The following LRRC1 variants were observed in gnomAD, a reference collection of about 807,000 sequenced individuals.
LRRC1 encodes the protein leucine rich repeat containing 1, also known as leucine-rich repeat-containing protein 1.
A neutral mutation model predicts 69.9 loss-of-function variants in LRRC1; 28 were observed. The observed-to-expected ratio is 0.40, with a 90% confidence interval of 0.30 to 0.55. LRRC1 has a LOEUF of 0.55. LRRC1 is among the 20% of genes least tolerant of loss of function. LRRC1 has a pLI of 0.47. For missense variants in LRRC1, 498 were observed against 609.0 expected (o/e 0.82, Z 1.92); for synonymous variants, 236 against 240.2 (o/e 0.98, Z 0.16).
At chr6:53,911,604 G>A (rs1017700864) in intron 10 of LRRC1, among the ~76,000 whole-genome samples, 4 of 152,166 alleles carry the variant, frequency 2.6e-5, no homozygotes, top group African/African-American at 7.2e-5. Context: ...GGACGCTAGC[G>A]GGGGTCTTCA....
intron 1 of LRRC1, among the ~76,000 whole-genome samples, chr6:53,807,150 A>G (rs1055057259): frequency 1.3e-5 from 2 of 152,186 alleles, no homozygotes; most frequent in Non-Finnish European, 2.9e-5. Flanking sequence ...CAAAGGCTAC[A>G]GCTCTCTAGT....
At chr6:53,802,135 A>G (rs1325044952) in intron 1 of LRRC1, among the ~76,000 whole-genome samples, 5 of 152,368 alleles carry the variant, frequency 3.3e-5, no homozygotes, top group African/African-American at 7.2e-5. Flanking sequence ...GCAGAATGCC[A>G]TGACAGCTAA....
intron 1 of LRRC1, among the ~76,000 whole-genome samples, chr6:53,810,445 C>T (rs957671212): frequency 2.6e-5 from 4 of 152,066 alleles, no homozygotes; most frequent in Non-Finnish European, 5.9e-5. Context: ...ATGGTGAAAC[C>T]GTGTCTCTAC....
chr6:53,795,054 G>C lies in LRRC1; in HGVS notation c.-203G>C. 2 of 419,358 alleles carry C rather than the reference G, an allele frequency of 4.8e-6. No homozygotes were observed. Among genetic ancestry groups the C allele is most frequent in the Non-Finnish European group, 8.4e-6 (2 of 238,332 alleles). 26.0% of individuals were successfully genotyped at this position (419,358 alleles called of 1,614,324 possible). ...GTGGAGGCACCGGCTGGCGGGCGGG[G>C]GTACAGGGACGGGGCAGGGGCTCCC... is the stretch of plus-strand genomic sequence containing the variant. On this transcript the variant is annotated 5_prime_UTR_variant, in exon 1 of 14. Transcript: ENST00000370888.
Position 53,924,052 on chromosome 6 carries a change from C to T in LRRC1, c.*1259C>T, listed in dbSNP as rs1768814136. 1.3e-5 allele frequency: 2 copies of T among 152,616 alleles called. No individual in the cohort carries two copies. Among genetic ancestry groups the T allele is most frequent in the African/African-American group, 4.8e-5 (2 of 41,458 alleles). 9.5% of individuals were successfully genotyped at this position (152,616 alleles called of 1,614,324 possible). On this transcript the variant is annotated 3_prime_UTR_variant, in exon 14 of 14. Transcript: ENST00000370888. ...TAAAAGAGAAATGAAAAGTGCCAGT[C>T]ACTGTGTGGTGTCTAGGAAAATCAT...
intron 1 of LRRC1, among the ~76,000 whole-genome samples, chr6:53,825,208 G>A (rs1400347032): frequency 3.3e-5 from 5 of 152,282 alleles, no homozygotes; most frequent in African/African-American, 1.2e-4. Context: ...TGCTTTTTAG[G>A]TGTACTTCAT....
rs573911217 is a variant in LRRC1, at chr6:53,795,795, C to T, written c.159+380C>T. 6.4e-4 allele frequency among the ~76,000 whole-genome samples: 98 copies of T among 152,346 alleles called. 1 individual carries two copies. Among genetic ancestry groups the T allele is most frequent in the African/African-American group, 2.3e-3 (94 of 41,582 alleles). Reference sequence around the variant, plus strand: ...GCTACAGAGCACTGCATCCTCCCCCCCTCCACTCCCCGGGGTCGTTCCCCC... The same window carrying T: ...GCTACAGAGCACTGCATCCTCCCCCTCTCCACTCCCCGGGGTCGTTCCCCC... On this transcript the variant is annotated intron_variant, in intron 1 of 13. Transcript: ENST00000370888.
chr6:53,904,516 T>C (rs1343768968), intron 10 of LRRC1, 54 bp downstream of exon 10: 3 of 1,183,694 alleles, frequency 2.5e-6, no homozygotes, highest in Non-Finnish European at 3.7e-6. Flanking sequence ...ATAATAATAA[T>C]ACATAAGGGA....
intron 1 of LRRC1, among the ~76,000 whole-genome samples, chr6:53,798,238 T>C (rs1367961843): frequency 6.6e-6 from 1 of 152,234 alleles, no homozygotes; most frequent in Non-Finnish European, 1.5e-5. Flanking sequence ...AGTTGGGTGA[T>C]AGCCTCACCA....
chr6:53,800,259 T>C (rs1318004117), intron 1 of LRRC1, among the ~76,000 whole-genome samples: 2 of 141,612 alleles, frequency 1.4e-5, no homozygotes, highest in African/African-American at 5.3e-5. Flanking sequence ...TTTTTTTTTT[T>C]TTTTTTTTTT....
intron 1 of LRRC1, among the ~76,000 whole-genome samples, chr6:53,821,900 T>G (rs9474660): frequency 6.4e-4 from 97 of 152,020 alleles, no homozygotes; most frequent in African/African-American, 2.2e-3. Flanking sequence ...TTTTTTCCTT[T>G]TCTGTTTGTT....
At chr6:53,911,892 C>T (rs1768423582) in intron 10 of LRRC1, among the ~76,000 whole-genome samples, 1 of 152,112 alleles carries the variant, frequency 6.6e-6, no homozygotes, top group Non-Finnish European at 1.5e-5. Flanking sequence ...TTCCCTTCCT[C>T]AAGGGAGGGA....
intron 2 of LRRC1, among the ~76,000 whole-genome samples, chr6:53,862,588 A>C (rs544659656): frequency 1.3e-5 from 2 of 152,082 alleles, no homozygotes; most frequent in Admixed American, 6.6e-5. Flanking sequence ...GATTAGGAAA[A>C]ATTTCTGCCA....
At chr6:53,872,185 C>T (rs754781211) in intron 2 of LRRC1, among the ~76,000 whole-genome samples, 2 of 152,020 alleles carry the variant, frequency 1.3e-5, no homozygotes, top group East Asian at 1.9e-4. Context: ...GTTTTTCCAG[C>T]GCACCTAATG....
At chr6:53,832,633 A>G (rs1486365999) in intron 1 of LRRC1, among the ~76,000 whole-genome samples, 1 of 152,216 alleles carries the variant, frequency 6.6e-6, no homozygotes, top group African/African-American at 2.4e-5. Flanking sequence ...TAAACAGATT[A>G]TATCCCCCTC....
intron 4 of LRRC1, among the ~76,000 whole-genome samples, chr6:53,886,811 C>A (rs1459008993): frequency 6.6e-6 from 1 of 152,168 alleles, no homozygotes; most frequent in Non-Finnish European, 1.5e-5. Context: ...AGGTTGTACT[C>A]CCCACACAAT....
At chr6:53,900,033 T>G (rs398049068) in intron 8 of LRRC1, 142 bp downstream of exon 8, 53,934 of 306,454 alleles carry the variant, frequency 0.18, 5,639 homozygotes, top group Admixed American at 0.29. Context: ...TTTTTTTTTT[T>G]TTTTTTTTTT....
At chr6:53,825,585 G>A (rs1765232405) in intron 1 of LRRC1, among the ~76,000 whole-genome samples, 1 of 152,174 alleles carries the variant, frequency 6.6e-6, no homozygotes, top group South Asian at 2.1e-4. Flanking sequence ...TGCCTCCAAA[G>A]TTGATAGTGC....
chr6:53,853,371 G>C (rs1766204858), intron 2 of LRRC1, among the ~76,000 whole-genome samples: 1 of 143,188 alleles, frequency 7.0e-6, no homozygotes, highest in Non-Finnish European at 1.5e-5. Flanking sequence ...TGCAACCTCT[G>C]CCTCCCAGGT....
Sources: gnomAD v4.1 joint callset for allele counts (sites outside exome capture counted in the v4.1 genomes callset) on GRCh38, gnomAD v4.1.1 for gene constraint, MANE v1.5 for transcripts, NCBI Gene and HGNC (gene_info 2026-07-23, HGNC 2026-07-21) for gene names.